ZFP14: variants seen among roughly 807,000 people sequenced by gnomAD.
ZFP14 encodes the protein ZFP14 zinc finger protein, also known as zinc finger protein 14 homolog.
Under a neutral mutation model 54.5 loss-of-function variants are expected in ZFP14, and 22 were observed. The ratio of observed to expected loss-of-function variants is 0.40; its 90% CI spans 0.29 to 0.58. The LOEUF (loss-of-function observed/expected upper bound fraction) is 0.58, where lower values mean the gene tolerates loss of function less well. ZFP14 is among the 20% of genes least tolerant of loss of function. The pLI is 0.39. For missense variants in ZFP14, 470 were observed against 637.8 expected (o/e 0.74, Z 2.83); for synonymous variants, 159 against 204.0 (o/e 0.78, Z 1.88).
At position 36,356,023 on chromosome 19, in the gene ZFP14, A is replaced by T. The variant is rs930481626; in HGVS notation, c.235+4412T>A. 5.6e-5 allele frequency among the ~76,000 whole-genome samples: 8 copies of T among 143,010 alleles called. 2 individuals are homozygous for T. Among genetic ancestry groups the T allele is most frequent in the Non-Finnish European group, 1.2e-4 (8 of 64,420 alleles). 93.8% of individuals were successfully genotyped at this position (143,010 alleles called of 152,430 possible). A position where few individuals can be genotyped will look rare whatever the true frequency, so the allele number is the denominator to read the frequency against. ...GCATCCTTAAAATTTTTTTTATTTT[A>T]AAATAATTATAGATCCATGGGAAGT... On this transcript the variant is annotated intron_variant, in intron 4 of 4. Transcript: ENST00000270001.
At chr19:36,362,925 A>T (rs1020497533) in intron 2 of ZFP14, 3 of 205,404 alleles carry the variant, frequency 1.5e-5, no homozygotes, top group African/African-American at 2.4e-5. Context: ...AACTTTCAAA[A>T]ATTCGTTCGA....
intron 4 of ZFP14, among the ~76,000 whole-genome samples, chr19:36,345,941 T>C (rs1357193808): frequency 6.6e-6 from 1 of 151,556 alleles, no homozygotes; most frequent in African/African-American, 2.4e-5. Context: ...AATGAAGAAA[T>C]AGATTAAAAT....
chr19:36,364,792 T>G (rs1403051516), intron 2 of ZFP14, among the ~76,000 whole-genome samples: 1 of 152,108 alleles, frequency 6.6e-6, no homozygotes, highest in African/African-American at 2.4e-5. Context: ...AGCAGTCAGA[T>G]AAGACCAAAT....
Position 36,340,922 on chromosome 19 carries a change from G to A in ZFP14, c.904C>T (p.His302Tyr). Residue 302 changes from histidine (H) to tyrosine (Y), a missense_variant, in exon 5 of 5, where the codon CAT becomes TAT. Physicochemically the swap from His to Tyr is moderately conservative, Grantham distance 83. Transcript: ENST00000270001. This position sits in a 1 kb window ranked among gnomAD's most constrained non-coding sequence, Gnocchi z 5.4. ...TFRQCTHLTR[H>Y]QRLHTAEKLY... ...TTTTCAGCAGTATGAAGTCTCTGATGGCGTGTAAGGTGTGTACACTGTCTA... is the reference window on the plus strand; with the variant it reads ...TTTTCAGCAGTATGAAGTCTCTGATAGCGTGTAAGGTGTGTACACTGTCTA... 1.9e-6 allele frequency: 3 copies of A among 1,613,902 alleles called. No individual in the cohort carries two copies. Among genetic ancestry groups the A allele is most frequent in the Non-Finnish European group, 2.5e-6 (3 of 1,179,988 alleles).
chr19:36,362,376 G>A, intron 2 of ZFP14, 138 bp from the exon 3 acceptor site: 1 of 823,622 alleles, frequency 1.2e-6, no homozygotes, highest in South Asian at 2.2e-5. Flanking sequence ...CTTGTGACAT[G>A]AGTAGGGGCC....
intron 1 of ZFP14, chr19:36,378,257 C>A (rs184071567): frequency 6.6e-6 from 1 of 152,262 alleles, no homozygotes; most frequent in Admixed American, 6.5e-5. Context: ...TGAGTGTAAT[C>A]AAGAGGGTAT....
chr19:36,356,298 C>CA (rs1448314737), intron 4 of ZFP14, among the ~76,000 whole-genome samples: 2 of 151,752 alleles, frequency 1.3e-5, no homozygotes, highest in African/African-American at 2.4e-5. Flanking sequence ...GGTGGTGGCG[C>CA]ATGCCTATAA....
intron 4 of ZFP14, among the ~76,000 whole-genome samples, chr19:36,348,498 T>TTTTG (rs1014711645): frequency 4.0e-5 from 6 of 151,898 alleles, no homozygotes; most frequent in African/African-American, 7.3e-5. Context: ...GAAGTCAGGA[T>TTTTG]TTTGTTTGTT....
intron 4 of ZFP14, chr19:36,360,154 T>C (rs1182235441): frequency 8.7e-6 from 2 of 229,900 alleles, no homozygotes; most frequent in East Asian, 8.4e-5. Context: ...TCTGCTCTTA[T>C]ATTTATTTAT....
rs1476616098 is a variant in ZFP14, at chr19:36,341,564, T to A, written c.262A>T (p.Thr88Ser). ...TAAATGTCCTTTTCTGGAGATAAAGTATTGGTCCTGTATCTGGACTCCAAA... is the reference window on the plus strand; with the variant it reads ...TAAATGTCCTTTTCTGGAGATAAAGAATTGGTCCTGTATCTGGACTCCAAA... ...PDLESRYRTN[T>S]LSPEKDIYEI... The change falls in exon 5 of 5, where the codon ACT becomes TCT. Residue 88 changes from threonine to serine, a missense_variant. By Grantham distance (58) the Thr-to-Ser change is moderately conservative (BLOSUM62 1). Coordinates refer to ENST00000270001, the MANE Select transcript of ZFP14 (RefSeq NM_020917.3). This position sits in a 1 kb window ranked among gnomAD's most constrained non-coding sequence, Gnocchi z 4.2. 6.3e-7 allele frequency: 1 copy of A among 1,590,050 alleles called. No individual in the cohort carries two copies. Among genetic ancestry groups the A allele is most frequent in the Non-Finnish European group, 8.5e-7 (1 of 1,170,624 alleles).
In ZFP14 at chr19:36,337,609, G is replaced by A. The variant is rs1443002187; in HGVS notation, c.*2615C>T. 6.8e-6 allele frequency: 1 copy of A among 147,308 alleles called. No individual in the cohort carries two copies. The highest frequency in any genetic ancestry group is 2.4e-5 in the African/African-American group (1 of 41,074). The allele number at this position is 147,308 out of a possible 1,614,324, so 9.1% of individuals were successfully genotyped here. On this transcript the variant is annotated 3_prime_UTR_variant, in exon 5 of 5. Coordinates refer to ENST00000270001, the MANE Select transcript of ZFP14 (RefSeq NM_020917.3). ...TGAGCATCCTCAGATTTTACCATCA[G>A]TGGAGGATCCTGGAACCAATTCCCC...
Position 36,372,116 on chromosome 19 carries a change from AAAGGAAGG to A in ZFP14, c.-79-4153_-79-4146del, listed in dbSNP as rs1049187381. Among the ~76,000 whole-genome samples the A allele has an allele frequency of 2.0e-5, 3 of 150,882 alleles. No individual in the cohort carries two copies. In the South Asian group the frequency reaches 6.3e-4, roughly 32 times the overall value. ...GGAAAGGAGGAAGGAAGGAAGGAAGAAAGGAAGGAAGGAAGGAAGGAAAAAAGAAAGAG... is the reference window on the plus strand; with the variant it reads ...GGAAAGGAGGAAGGAAGGAAGGAAGAAAGGAAGGAAGGAAAAAAGAAAGAG... On this transcript the variant is annotated intron_variant, in intron 1 of 4. Coordinates refer to ENST00000270001, the MANE Select transcript of ZFP14 (RefSeq NM_020917.3).
Position 36,336,919 on chromosome 19 carries a change from C to T in ZFP14, c.*3305G>A, listed in dbSNP as rs980359001. 14 of 151,954 alleles carry T rather than the reference C, an allele frequency of 9.2e-5. No homozygotes were observed. The highest frequency in any genetic ancestry group is 2.1e-4 in the Non-Finnish European group (14 of 68,022). 9.4% of individuals were successfully genotyped at this position (151,954 alleles called of 1,614,324 possible). A position where few individuals can be genotyped will look rare whatever the true frequency, so the allele number is the denominator to read the frequency against. Reference sequence around the variant, plus strand: ...CAAAACACTCCACTTAAATTATCAACATGTTGCCAATTTAGTTTCCAGCTC... The same window carrying T: ...CAAAACACTCCACTTAAATTATCAATATGTTGCCAATTTAGTTTCCAGCTC... On this transcript the variant is annotated 3_prime_UTR_variant, in exon 5 of 5. Coordinates refer to ENST00000270001, the MANE Select transcript of ZFP14 (RefSeq NM_020917.3).
At chr19:36,358,712 T>C (rs2031661910) in intron 4 of ZFP14, among the ~76,000 whole-genome samples, 2 of 152,208 alleles carry the variant, frequency 1.3e-5, no homozygotes, top group Admixed American at 1.3e-4. Context: ...TTTTGTCATA[T>C]GCTATTTTTA....
At position 36,355,445 on chromosome 19, in the gene ZFP14, A is replaced by G. The variant is rs371089511; in HGVS notation, c.235+4990T>C. Reference sequence around the variant, plus strand: ...GTAATCCCAGCACCTTGGGAGGCAGAGGTATGAGGATCACTTGAGCCCAGG... The same window carrying G: ...GTAATCCCAGCACCTTGGGAGGCAGGGGTATGAGGATCACTTGAGCCCAGG... On this transcript the variant is annotated intron_variant, in intron 4 of 4. Coordinates refer to ENST00000270001, the MANE Select transcript of ZFP14 (RefSeq NM_020917.3). Among the ~76,000 whole-genome samples, 134 of 142,528 alleles carry G rather than the reference A, an allele frequency of 9.4e-4. 19 individuals carry two copies. The highest frequency in any genetic ancestry group is 3.6e-3 in the Middle Eastern group (1 of 278). 93.5% of individuals were successfully genotyped at this position (142,528 alleles called of 152,430 possible). A position where few individuals can be genotyped will look rare whatever the true frequency, so the allele number is the denominator to read the frequency against.
rs2031260591 is a variant in ZFP14 at position 36,339,109 on chromosome 19, A to C, written c.*1115T>G. On this transcript the variant is annotated 3_prime_UTR_variant, in exon 5 of 5. Transcript: ENST00000270001. ...GCTCAAGTGCTGAAGAACTTCCTAC[A>C]TTCACTACAATCTAAATTTTACCTA... 6.6e-6 allele frequency: 1 copy of C among 152,228 alleles called. No homozygotes were observed. The highest frequency in any genetic ancestry group is 2.4e-5 in the African/African-American group (1 of 41,456). 9.4% of individuals were successfully genotyped at this position (152,228 alleles called of 1,614,324 possible). A position where few individuals can be genotyped will look rare whatever the true frequency, so the allele number is the denominator to read the frequency against.
chr19:36,363,164 A>G (rs35152981), intron 2 of ZFP14, among the ~76,000 whole-genome samples: 3 of 146,466 alleles, frequency 2.0e-5, no homozygotes, highest in Non-Finnish European at 3.0e-5. Flanking sequence ...CCTGGACACC[A>G]TTATCAATCA....
intron 2 of ZFP14, among the ~76,000 whole-genome samples, chr19:36,365,965 A>AAC (rs2031788013): frequency 6.6e-6 from 1 of 151,544 alleles, no homozygotes; most frequent in South Asian, 2.1e-4. Flanking sequence ...CTGTCAAAAA[A>AAC]AAAAAAAGGC....
chr19:36,365,037 T>C lies in ZFP14; in HGVS notation c.10-2799A>G, dbSNP rs184764095. On this transcript the variant is annotated intron_variant, in intron 2 of 4. Transcript: ENST00000270001. ...TTTTTTTTTTTTGACAGGGTCTCAC[T>C]CTGTTGCCCAGGCTGTTGCCTAGGC... is the stretch of plus-strand genomic sequence containing the variant. 8.2e-5 allele frequency among the ~76,000 whole-genome samples: 11 copies of C among 134,728 alleles called. No individual in the cohort carries two copies. In the East Asian group the frequency reaches 1.8e-3, roughly 22 times the overall value. The allele number at this position is 134,728 out of a possible 152,430, so 88.4% of individuals were successfully genotyped here. A position where few individuals can be genotyped will look rare whatever the true frequency, so the allele number is the denominator to read the frequency against.
Sources: allele counts gnomAD v4.1 joint callset (sites outside exome capture counted in the v4.1 genomes callset), GRCh38; gene constraint gnomAD v4.1.1; non-coding constraint Gnocchi (gnomAD v3.1); transcripts MANE v1.5; gene names NCBI Gene and HGNC (gene_info 2026-07-23, HGNC 2026-07-21).